FNBP1: variants seen among roughly 807,000 people sequenced by gnomAD.
FNBP1 encodes formin-binding protein 1.
FNBP1 carries 26 observed loss-of-function variants against 90.6 expected under a neutral mutation model. The observed-to-expected ratio is 0.29, with a 90% CI of 0.21 to 0.40. The LOEUF (loss-of-function observed/expected upper bound fraction) is 0.40. Among genes scored for constraint, FNBP1 ranks in the 10% least tolerant of loss-of-function variants. FNBP1 has a pLI of 1.00. For missense variants in FNBP1, 635 were observed against 768.0 expected (o/e 0.83, Z 2.05); for synonymous variants, 260 against 265.2 (o/e 0.98, Z 0.19).
rs1385817194 is a variant in FNBP1, at chr9:129,889,815, T to C, written c.*724A>G. The stretch of plus-strand genomic sequence containing the variant: ...AGGCGAGCTGGAATTCGACTTCCAG[T>C]GTGGACCTCCCCAGGCCACTGAAAA... On this transcript the variant is annotated 3_prime_UTR_variant, in exon 17 of 17. Coordinates refer to ENST00000446176, the MANE Select transcript of FNBP1 (RefSeq NM_015033.3). 3 of 232,606 alleles carry C rather than the reference T, an allele frequency of 1.3e-5. No individual in the cohort carries two copies. The highest frequency in any genetic ancestry group is 1.8e-4 in the South Asian group (1 of 5,620). The allele number at this position is 232,606 out of a possible 1,614,324, so 14.4% of individuals were successfully genotyped here.
chr9:129,907,377 A>G (rs1006949753), intron 12 of FNBP1, among the ~76,000 whole-genome samples: 4 of 152,232 alleles, frequency 2.6e-5, no homozygotes, highest in African/African-American at 9.6e-5. Context: ...GCACGGTTCC[A>G]AGCATGTTAT....
intron 6 of FNBP1, among the ~76,000 whole-genome samples, chr9:129,936,789 G>A (rs1423701389): frequency 2.0e-5 from 3 of 152,068 alleles, no homozygotes; most frequent in African/African-American, 4.8e-5. Flanking sequence ...CTATTTCTAG[G>A]TATTTTTGAG....
intron 2 of FNBP1, among the ~76,000 whole-genome samples, chr9:129,986,852 T>C (rs563108477): frequency 6.6e-6 from 1 of 151,988 alleles, no homozygotes; most frequent in Admixed American, 6.6e-5. Context: ...TAAGGATAAC[T>C]CATATCTCTG....
chr9:129,943,221 C>T (rs2044600946), intron 6 of FNBP1, among the ~76,000 whole-genome samples: 1 of 152,140 alleles, frequency 6.6e-6, no homozygotes, highest in Admixed American at 6.6e-5. Context: ...CTACAGTCTG[C>T]ACAGACCTTT....
intron 6 of FNBP1, among the ~76,000 whole-genome samples, chr9:129,956,966 A>G (rs1188344469): frequency 6.6e-6 from 1 of 151,922 alleles, no homozygotes; most frequent in Non-Finnish European, 1.5e-5. Context: ...TACATTAGAA[A>G]TGAGAACTTG....
At chr9:129,988,591 C>A (rs574493418) in intron 2 of FNBP1, among the ~76,000 whole-genome samples, 1 of 151,842 alleles carries the variant, frequency 6.6e-6, no homozygotes, top group South Asian at 2.1e-4. Context: ...GCAGGAGAAT[C>A]GCTTGAACCC....
intron 1 of FNBP1, among the ~76,000 whole-genome samples, chr9:130,013,001 T>TA (rs1161185477): frequency 7.9e-5 from 12 of 151,680 alleles, no homozygotes; most frequent in Admixed American, 2.0e-4. Flanking sequence ...TCAATAAAAC[T>TA]AAAAAACTAA....
intron 6 of FNBP1, among the ~76,000 whole-genome samples, chr9:129,949,326 C>G (rs985693289): frequency 6.6e-6 from 1 of 152,164 alleles, no homozygotes; most frequent in African/African-American, 2.4e-5. Flanking sequence ...CATTTTTCCT[C>G]TAAGGAACAT....
intron 1 of FNBP1, among the ~76,000 whole-genome samples, chr9:130,018,358 T>C (rs2057466551): frequency 6.6e-6 from 1 of 152,078 alleles, no homozygotes; most frequent in South Asian, 2.1e-4. Flanking sequence ...TATTATTATT[T>C]CCATTTACCG....
At chr9:129,968,038 A>C (rs973931711) in intron 4 of FNBP1, among the ~76,000 whole-genome samples, 1 of 151,496 alleles carries the variant, frequency 6.6e-6, no homozygotes, top group Non-Finnish European at 1.5e-5. Context: ...CAGGTGAAAC[A>C]ACCACAGTGG....
intron 6 of FNBP1, among the ~76,000 whole-genome samples, chr9:129,940,709 C>G (rs566070755): frequency 3.9e-5 from 6 of 152,156 alleles, no homozygotes; most frequent in African/African-American, 1.2e-4. Flanking sequence ...TCACTGCAAC[C>G]TCTGCCTCCC....
rs1286818646 is a variant in FNBP1, at chr9:129,908,243, G to A, written c.1295+647C>T. ...TTTTGAGATAGGGTCTCACTCTGTT[G>A]CCCAGGCTGGAGTGCAGTGGCATGA... On this transcript the variant is annotated intron_variant, in intron 12 of 16. Transcript: ENST00000446176. Among the ~76,000 whole-genome samples the A allele has an allele frequency of 3.0e-5, 4 of 132,326 alleles. No individual in the cohort carries two copies. In the Admixed American group the frequency reaches 3.1e-4, roughly 10 times the overall value. 86.8% of individuals were successfully genotyped at this position (132,326 alleles called of 152,430 possible).
intron 15 of FNBP1, among the ~76,000 whole-genome samples, chr9:129,896,872 C>T (rs2035855804): frequency 6.6e-6 from 1 of 151,988 alleles, no homozygotes; most frequent in Non-Finnish European, 1.5e-5. Flanking sequence ...CTCAGGTGAT[C>T]CACCCGCCTC....
At chr9:130,015,693 G>A (rs1156505056) in intron 1 of FNBP1, among the ~76,000 whole-genome samples, 2 of 152,032 alleles carry the variant, frequency 1.3e-5, no homozygotes, top group African/African-American at 4.8e-5. Context: ...TTTTGTTTTG[G>A]AGATAGGGTC....
At chr9:129,950,498 C>T (rs1267813322) in intron 6 of FNBP1, among the ~76,000 whole-genome samples, 1 of 152,160 alleles carries the variant, frequency 6.6e-6, no homozygotes, top group East Asian at 1.9e-4. Context: ...AGCAAGTGCA[C>T]TTTTTAAAAG....
intron 2 of FNBP1, among the ~76,000 whole-genome samples, chr9:129,991,809 G>A (rs1399523062): frequency 5.9e-5 from 9 of 152,022 alleles, no homozygotes; most frequent in East Asian, 3.9e-4. Context: ...ACAGGCGCCC[G>A]CCACCATTTC....
chr9:129,911,456 T>C (rs933192935), intron 11 of FNBP1, among the ~76,000 whole-genome samples: 1 of 152,184 alleles, frequency 6.6e-6, no homozygotes, highest in African/African-American at 2.4e-5. Context: ...CACATGGTTG[T>C]CCATGCTTCA....
intron 1 of FNBP1, among the ~76,000 whole-genome samples, chr9:130,017,519 A>G (rs970145629): frequency 2.6e-5 from 4 of 152,174 alleles, no homozygotes; most frequent in Non-Finnish European, 5.9e-5. Flanking sequence ...TAATTAACAC[A>G]CTAATATCAT....
chr9:129,977,732 T>TC (rs975522231), intron 4 of FNBP1, among the ~76,000 whole-genome samples: 2 of 152,136 alleles, frequency 1.3e-5, no homozygotes, highest in African/African-American at 4.8e-5. Flanking sequence ...GCTCAGGTGA[T>TC]CCATCTGCCT....
Sources: allele counts gnomAD v4.1 joint callset (sites outside exome capture counted in the v4.1 genomes callset), GRCh38; gene constraint gnomAD v4.1.1; transcripts MANE v1.5; gene names NCBI Gene and HGNC (gene_info 2026-07-23, HGNC 2026-07-21).